Variants in ZFP64 observed in about 807,000 individuals in gnomAD.
The protein encoded by ZFP64 is zinc finger protein 64.
Under a neutral mutation model 51.6 loss-of-function variants are expected in ZFP64, and 14 were observed. That is an observed-to-expected ratio of 0.27 (90% CI 0.18 to 0.42). The LOEUF (loss-of-function observed/expected upper bound fraction) is 0.42, where lower values mean the gene tolerates loss of function less well. Ranked by LOEUF, ZFP64 falls within the 10% of genes least tolerant of loss-of-function variation. ZFP64 has a pLI of 1.00. For synonymous variants in ZFP64, 375 were observed against 361.4 expected (o/e 1.04, Z -0.43); for missense variants, 754 against 906.8 (o/e 0.83, Z 2.16).
intron 7 of ZFP64, chr20:52,088,679 T>C: frequency 6.2e-7 from 1 of 1,611,908 alleles, no homozygotes; most frequent in African/African-American, 1.3e-5. Context: ...TAAAGGTTTT[T>C]TGGTCAAGAT....
intron 7 of ZFP64, among the ~76,000 whole-genome samples, chr20:52,093,982 A>C (rs1301428993): frequency 6.6e-6 from 1 of 152,202 alleles, no homozygotes; most frequent in South Asian, 2.1e-4. Context: ...GATATATCTT[A>C]TTAGATTTAA....
At chr20:52,100,707 G>A (rs1001687582) in intron 5 of ZFP64, among the ~76,000 whole-genome samples, 2 of 152,144 alleles carry the variant, frequency 1.3e-5, no homozygotes, top group East Asian at 3.9e-4. Context: ...CAGTGGTGAG[G>A]GCTTCAGTTT....
intron 5 of ZFP64, among the ~76,000 whole-genome samples, chr20:52,128,899 T>C (rs1370565154): frequency 1.3e-5 from 2 of 149,572 alleles, no homozygotes; most frequent in East Asian, 3.9e-4. Flanking sequence ...CACAAGGAGC[T>C]CCGACCTTTT....
At chr20:52,126,153 C>T (rs1285375417) in intron 5 of ZFP64, among the ~76,000 whole-genome samples, 2 of 152,182 alleles carry the variant, frequency 1.3e-5, no homozygotes, top group African/African-American at 2.4e-5. Context: ...CTGCCTCGGC[C>T]TCCCAAAGTG....
intron 5 of ZFP64, among the ~76,000 whole-genome samples, chr20:52,114,171 T>C (rs903230100): frequency 6.6e-6 from 1 of 152,178 alleles, no homozygotes; most frequent in Non-Finnish European, 1.5e-5. Context: ...AGGTCACTTA[T>C]GATTAAAGAA....
At chr20:52,110,624 A>G in intron 5 of ZFP64, 1 of 967,738 alleles carries the variant, frequency 1.0e-6, no homozygotes, top group Non-Finnish European at 1.6e-6. Context: ...GCCCTGATGA[A>G]CTCCTGGCCA....
chr20:52,105,032 C>T, intron 5 of ZFP64: 1 of 1,349,920 alleles, frequency 7.4e-7, no homozygotes, highest in South Asian at 1.6e-5. Flanking sequence ...TTCGCCCGCC[C>T]TTTCAGGTCC....
chr20:52,132,559 A>G (rs1979773118), intron 5 of ZFP64, among the ~76,000 whole-genome samples: 1 of 152,212 alleles, frequency 6.6e-6, no homozygotes, highest in Non-Finnish European at 1.5e-5. Flanking sequence ...TCAAAGGATC[A>G]TTAGTGGCTA....
exon 9 of ZFP64, chr20:52,084,110 TAGA>T (rs201004370): frequency 0.011 from 1,781 of 161,184 alleles, 22 homozygotes; most frequent in South Asian, 0.051. Context: ...GGTTATGAAA[TAGA>T]AGTTTTCCAG....
At chr20:52,110,753 C>A (rs961260164) in intron 5 of ZFP64, 3 of 1,598,966 alleles carry the variant, frequency 1.9e-6, no homozygotes, top group Non-Finnish European at 2.6e-6. Context: ...ACTGGGTTCT[C>A]AAAGTCCCCC....
chr20:52,120,837 C>T (rs990328011), intron 5 of ZFP64, among the ~76,000 whole-genome samples: 1 of 151,922 alleles, frequency 6.6e-6, no homozygotes, highest in Admixed American at 6.6e-5. Context: ...CCACCATGCC[C>T]AGATAATTCT....
Position 52,142,839 on chromosome 20 carries a change from C to CAAAAAAAAA in ZFP64, c.763+17275_763+17283dup, listed in dbSNP as rs386393987. Reference sequence around the variant, plus strand: ...TGGGCGACAGAGTGAGACTCCATCTCAAAAAAAAAAAAAAAAAAAGCAAAA... The same window carrying CAAAAAAAAA: ...TGGGCGACAGAGTGAGACTCCATCTCAAAAAAAAAAAAAAAAAAAAAAAAAAAAGCAAAA... On this transcript the variant is annotated intron_variant, in intron 5 of 8. Transcript: ENST00000361387. 1.3e-4 allele frequency among the ~76,000 whole-genome samples: 7 copies of CAAAAAAAAA among 55,048 alleles called. 1 individual carries two copies. The highest frequency in any genetic ancestry group is 2.8e-4 in the African/African-American group (5 of 17,844). The allele number at this position is 55,048 out of a possible 152,430, so 36.1% of individuals were successfully genotyped here.
At chr20:52,161,497 TGAC>T (rs796528662) in intron 4 of ZFP64, among the ~76,000 whole-genome samples, 35 of 149,092 alleles carry the variant, frequency 2.3e-4, no homozygotes, top group African/African-American at 8.6e-4. Flanking sequence ...GCCTCCCTAT[TGAC>T]TACTTTCTTG....
rs1210962954 is a variant in ZFP64, at chr20:52,160,589, A to G, written c.512-215T>C. Among the ~76,000 whole-genome samples, 1 of 152,342 alleles carries G rather than the reference A, an allele frequency of 6.6e-6. No individual in the cohort carries two copies. Among genetic ancestry groups the G allele is most frequent in the Middle Eastern group, 3.4e-3 (1 of 294 alleles). On this transcript the variant is annotated intron_variant, in intron 4 of 5. Transcript: ENST00000216923. The surrounding 1 kb of genome is among the most constrained non-coding windows in gnomAD (Gnocchi z 4.2). ...TATTGGTATTACTTGAATTTTTAAA[A>G]TGATGAATATGAATTTCTTATAAAT...
At chr20:52,110,099 C>A (rs959277732) in intron 5 of ZFP64, among the ~76,000 whole-genome samples, 1 of 152,108 alleles carries the variant, frequency 6.6e-6, no homozygotes, top group Non-Finnish European at 1.5e-5. Flanking sequence ...TCTATAGCAC[C>A]AATTCCTTCT....
intron 7 of ZFP64, among the ~76,000 whole-genome samples, chr20:52,091,904 C>T (rs897760692): frequency 6.6e-6 from 1 of 151,668 alleles, no homozygotes; most frequent in East Asian, 1.9e-4. Context: ...GCAGGAGAAT[C>T]GCTTGAACCC....
intron 5 of ZFP64, among the ~76,000 whole-genome samples, chr20:52,116,867 C>T (rs1424146670): frequency 6.6e-6 from 1 of 151,954 alleles, no homozygotes; most frequent in African/African-American, 2.4e-5. Flanking sequence ...GTCAAGAGAT[C>T]GAGACCTTCC....
At position 52,152,505 on chromosome 20, in the gene ZFP64, C is replaced by A; in HGVS notation, c.1687G>T (p.Ala563Ser). Residue 563 changes from alanine to serine, a missense_variant, in exon 6 of 6, where the codon GCA becomes TCA. Transcript: ENST00000216923. ...AGCAGGACAGCCGGCTGGGTCATTGCGCCCGCCTCGCTCGGACACCGCGAG... is the reference window on the plus strand; with the variant it reads ...AGCAGGACAGCCGGCTGGGTCATTGAGCCCGCCTCGCTCGGACACCGCGAG... ...QSSRCPSEAG[A>S]MTQPAVLLTT... is the part of the protein sequence containing the mutation. The A allele has an allele frequency of 6.2e-7, 1 of 1,606,218 alleles. No individual in the cohort carries two copies. The highest frequency in any genetic ancestry group is 8.5e-7 in the Non-Finnish European group (1 of 1,176,746).
intron 5 of ZFP64, among the ~76,000 whole-genome samples, chr20:52,159,422 A>G (rs1981589817): frequency 6.6e-6 from 1 of 152,340 alleles, no homozygotes; most frequent in East Asian, 1.9e-4. Context: ...CATTTCATGC[A>G]TCTCCTCAAT....
Sources: gnomAD v4.1 joint callset for allele counts (sites outside exome capture counted in the v4.1 genomes callset) on GRCh38, gnomAD v4.1.1 for gene constraint, Gnocchi (gnomAD v3.1) non-coding constraint, MANE v1.5 for transcripts, NCBI Gene and HGNC (gene_info 2026-07-23, HGNC 2026-07-21) for gene names.